Variants in PTK2 observed in about 807,000 individuals in gnomAD.
PTK2 encodes the protein focal adhesion kinase 1.
PTK2 carries 45 observed loss-of-function variants against 150.1 expected under a neutral mutation model. The ratio of observed to expected loss-of-function variants is 0.30; its 90% confidence interval spans 0.24 to 0.38. The LOEUF is 0.38. Ranked by LOEUF, PTK2 falls within the 10% of genes least tolerant of loss-of-function variation. PTK2 has a pLI of 1.00. For missense variants in PTK2, 919 were observed against 1,307.3 expected (o/e 0.70, Z 4.58); for synonymous variants, 432 against 449.2 (o/e 0.96, Z 0.48).
exon 8 of PTK2, chr8:140,830,481 A>T (rs776321840): frequency 6.5e-7 from 1 of 1,539,026 alleles, no homozygotes; most frequent in Non-Finnish European, 8.8e-7. Flanking sequence ...CCTTGACAGA[A>T]TCCAGTAAAC....
intron 10 of PTK2, among the ~76,000 whole-genome samples, chr8:140,805,034 T>C (rs2100097464): frequency 6.6e-6 from 1 of 152,190 alleles, no homozygotes; most frequent in Admixed American, 6.5e-5. Flanking sequence ...GGCTCTGTGC[T>C]GGGTGGGCCC....
intron 1 of PTK2, among the ~76,000 whole-genome samples, chr8:140,951,896 T>TTA (rs1555447254): frequency 6.8e-6 from 1 of 145,994 alleles, no homozygotes; most frequent in African/African-American, 2.5e-5. Context: ...AAAGAAAAAT[T>TTA]AAAAAAAAAA....
chr8:140,663,029 G>T, intron 31 of PTK2: 1 of 353,064 alleles, frequency 2.8e-6, no homozygotes, highest in Non-Finnish European at 5.1e-6. Flanking sequence ...AAGTGCTACA[G>T]AGACAACCGA....
At chr8:140,772,715 A>G (rs2100076216) in intron 14 of PTK2, among the ~76,000 whole-genome samples, 1 of 152,178 alleles carries the variant, frequency 6.6e-6, no homozygotes, top group Non-Finnish European at 1.5e-5. Flanking sequence ...ACTAACAACA[A>G]CAACAACAAC....
At chr8:140,701,490 C>T (rs1031731534) in intron 25 of PTK2, among the ~76,000 whole-genome samples, 6 of 152,088 alleles carry the variant, frequency 3.9e-5, no homozygotes, top group Non-Finnish European at 7.4e-5. Flanking sequence ...TGGCCTCAAA[C>T]TCCTAGGCTC....
At chr8:140,880,355 T>C (rs751144935) in intron 3 of PTK2, among the ~76,000 whole-genome samples, 4 of 152,312 alleles carry the variant, frequency 2.6e-5, no homozygotes, top group South Asian at 4.1e-4. Flanking sequence ...CCTGGAGCAA[T>C]GGACAGGTTA....
intron 2 of PTK2, among the ~76,000 whole-genome samples, chr8:140,892,043 T>C (rs1237796751): frequency 1.3e-5 from 2 of 151,880 alleles, no homozygotes; most frequent in African/African-American, 4.8e-5. Context: ...TTGTCTCTAC[T>C]AAAAAATACA....
chr8:140,936,689 C>G (rs1044646260), intron 1 of PTK2, among the ~76,000 whole-genome samples: 2 of 152,138 alleles, frequency 1.3e-5, no homozygotes, highest in African/African-American at 4.8e-5. Context: ...GAATGTGTCA[C>G]AGCACACATC....
chr8:140,705,926 T>G (rs944623877), intron 24 of PTK2, among the ~76,000 whole-genome samples, 193 bp downstream of exon 27: 3 of 151,856 alleles, frequency 2.0e-5, no homozygotes, highest in African/African-American at 7.3e-5. Context: ...GAAGATGGAG[T>G]GAAAAACAAA....
At chr8:140,983,443 C>T (rs1269495572) in intron 1 of PTK2, among the ~76,000 whole-genome samples, 4 of 147,816 alleles carry the variant, frequency 2.7e-5, no homozygotes, top group Non-Finnish European at 4.5e-5. Context: ...GAAACTGAAA[C>T]GATATTCACC....
intron 10 of PTK2, among the ~76,000 whole-genome samples, chr8:140,817,289 G>T (rs2100105297): frequency 6.6e-6 from 1 of 152,146 alleles, no homozygotes; most frequent in African/African-American, 2.4e-5. Context: ...AGAAAAGAAT[G>T]GTAGAGGCAG....
intron 28 of PTK2, among the ~76,000 whole-genome samples, chr8:140,674,813 T>C (rs574894112): frequency 6.6e-6 from 1 of 151,502 alleles, no homozygotes; most frequent in South Asian, 2.1e-4. Flanking sequence ...TTTGGGAGGC[T>C]GAGGCGGGCG....
intron 10 of PTK2, among the ~76,000 whole-genome samples, chr8:140,804,754 G>T (rs1160323601): frequency 6.6e-6 from 1 of 152,170 alleles, no homozygotes; most frequent in Non-Finnish European, 1.5e-5. Context: ...ACACTGGGCT[G>T]CCCTTCCCAG....
chr8:140,706,215 C>G lies in PTK2; in HGVS notation c.2143-10G>C, dbSNP rs2100033695. ...AACCCGGTCTGCTGGGCTGTAAAAT[C>G]AAGAGAGCATCATATGAATGAACCT... is the stretch of plus-strand genomic sequence containing the variant. On this transcript the variant is annotated splice_polypyrimidine_tract_variant and intron_variant, in intron 23 of 31. Coordinates refer to ENST00000522684, the Ensembl canonical transcript of PTK2. 1 of 1,600,982 alleles carries G rather than the reference C, an allele frequency of 6.2e-7. No individual in the cohort carries two copies. The highest frequency in any genetic ancestry group is 1.1e-5 in the South Asian group (1 of 90,722).
chr8:140,701,020 G>C (rs201643847), exon 26 of PTK2: 30 of 1,613,342 alleles, frequency 1.9e-5, no homozygotes, highest in Middle Eastern at 1.7e-4. Flanking sequence ...ATACTGTAGA[G>C]TCCTGGAAGA....
intron 4 of PTK2, among the ~76,000 whole-genome samples, chr8:140,868,527 G>A (rs1314259257): frequency 6.6e-6 from 1 of 152,180 alleles, no homozygotes; most frequent in African/African-American, 2.4e-5. Flanking sequence ...AGGGGAAACA[G>A]TAACCTTGTA....
At chr8:140,807,934 GGCAA>G (rs2154600862) in intron 10 of PTK2, among the ~76,000 whole-genome samples, 2 of 152,268 alleles carry the variant, frequency 1.3e-5, no homozygotes, top group East Asian at 3.9e-4. Flanking sequence ...TGTCATCATT[GGCAA>G]GGCATTGAGG....
intron 22 of PTK2, among the ~76,000 whole-genome samples, chr8:140,725,133 TTATTTTTTTC>T (rs377430809): frequency 2.0e-5 from 3 of 151,250 alleles, no homozygotes; most frequent in African/African-American, 7.3e-5. Flanking sequence ...GACTGTACCT[TTATTTTTTTC>T]TATTTTTTGA....
intron 10 of PTK2, among the ~76,000 whole-genome samples, chr8:140,815,309 T>C (rs956515601): frequency 6.6e-6 from 1 of 151,398 alleles, no homozygotes; most frequent in South Asian, 2.1e-4. Context: ...AACACAGGAA[T>C]AGAAAACTAA....
Sources: allele counts gnomAD v4.1 joint callset (sites outside exome capture counted in the v4.1 genomes callset), GRCh38; gene constraint gnomAD v4.1.1; transcripts MANE v1.5; gene names NCBI Gene and HGNC (gene_info 2026-07-23, HGNC 2026-07-21).